Variants in MBTPS1 observed in about 807,000 individuals in gnomAD.
MBTPS1 encodes membrane-bound transcription factor site-1 protease.
A neutral mutation model predicts 127.8 loss-of-function variants in MBTPS1; 94 were observed. The ratio of observed to expected loss-of-function variants is 0.74; its 90% CI spans 0.62 to 0.87. The LOEUF (loss-of-function observed/expected upper bound fraction) is 0.87, where lower values mean the gene tolerates loss of function less well. Ranked by LOEUF, MBTPS1 falls within the 40% of genes least tolerant of loss-of-function variation. The pLI is 0.00. For synonymous variants in MBTPS1, 632 were observed against 509.4 expected, an observed-to-expected ratio of 1.24 and a Z score of -3.24; for missense variants, 1,636 against 1,353.2, an observed-to-expected ratio of 1.21 and a Z score of -3.28.
intron 1 of MBTPS1, among the ~76,000 whole-genome samples, chr16:84,105,909 A>G (rs949370152): frequency 6.6e-6 from 1 of 152,194 alleles, no homozygotes; most frequent in Non-Finnish European, 1.5e-5. Context: ...CTCTGACCTC[A>G]CGGAGCTTAC....
chr16:84,092,475 T>C (rs1284272968), intron 6 of MBTPS1, among the ~76,000 whole-genome samples: 1 of 152,192 alleles, frequency 6.6e-6, no homozygotes, highest in African/African-American at 2.4e-5. Context: ...CAGGTACTTA[T>C]ATTTTCTCAT....
chr16:84,087,555 C>T (rs1403345008), intron 8 of MBTPS1, 95 bp from the exon 9 acceptor site: 1 of 777,196 alleles, frequency 1.3e-6, no homozygotes, highest in African/African-American at 1.8e-5. Flanking sequence ...GCGAATACTC[C>T]CAGAACAATC....
chr16:84,093,928 G>T, intron 4 of MBTPS1, 107 bp from the exon 5 acceptor site: 1 of 826,046 alleles, frequency 1.2e-6, no homozygotes, highest in Non-Finnish European at 2.0e-6. Flanking sequence ...ATGACATATT[G>T]TGGAAGGCCA....
chr16:84,113,325 T>C (rs1281857112), intron 1 of MBTPS1, among the ~76,000 whole-genome samples: 5 of 152,240 alleles, frequency 3.3e-5, no homozygotes, highest in Non-Finnish European at 7.3e-5. Flanking sequence ...TATCTTTCCA[T>C]ATAAAGGCAT....
intron 7 of MBTPS1, 36 bp downstream of exon 7, chr16:84,091,696 T>C: frequency 7.0e-7 from 1 of 1,424,316 alleles, no homozygotes. Flanking sequence ...GAGCAGGAGC[T>C]GTCACCCAAA....
intron 1 of MBTPS1, among the ~76,000 whole-genome samples, chr16:84,109,771 A>G (rs1360368240): frequency 2.6e-5 from 4 of 152,222 alleles, no homozygotes. Flanking sequence ...ATCTGCTGTA[A>G]CAGGCACTCA....
At chr16:84,084,548 G>A (rs550415515) in intron 10 of MBTPS1, among the ~76,000 whole-genome samples, 2 of 152,146 alleles carry the variant, frequency 1.3e-5, no homozygotes, top group Admixed American at 1.3e-4. Context: ...TTACATATAC[G>A]CAGTAGGATT....
intron 12 of MBTPS1, among the ~76,000 whole-genome samples, chr16:84,073,898 T>C (rs571090113): frequency 2.8e-4 from 42 of 152,054 alleles, no homozygotes; most frequent in African/African-American, 1.0e-3. Context: ...CCCAGATACC[T>C]GGGAGGCTGA....
intron 14 of MBTPS1, 76 bp downstream of exon 14, chr16:84,069,790 A>C: frequency 1.5e-6 from 2 of 1,346,202 alleles, no homozygotes; most frequent in South Asian, 1.3e-5. Flanking sequence ...ACATCTTTCC[A>C]AGAGTTGCGG....
chr16:84,055,014 G>C (rs1172565670), intron 22 of MBTPS1, among the ~76,000 whole-genome samples: 1 of 152,202 alleles, frequency 6.6e-6, no homozygotes, highest in Admixed American at 6.5e-5. Context: ...TCTCTATCCA[G>C]GGGAGAAGGA....
At chr16:84,084,254 G>A (rs116456115) in intron 10 of MBTPS1, among the ~76,000 whole-genome samples, 11,482 of 152,196 alleles carry the variant, frequency 0.075, 515 homozygotes, top group South Asian at 0.18. Flanking sequence ...CACCGCACCC[G>A]GCCTCCTTGA....
At chr16:84,082,824 T>C (rs910528712) in intron 10 of MBTPS1, among the ~76,000 whole-genome samples, 49 of 152,188 alleles carry the variant, frequency 3.2e-4, no homozygotes, top group African/African-American at 1.2e-3. Context: ...TTCCTCCTCT[T>C]CCTGCCTATA....
chr16:84,092,621 G>A (rs747339826), intron 6 of MBTPS1, among the ~76,000 whole-genome samples: 2 of 152,116 alleles, frequency 1.3e-5, no homozygotes, highest in Non-Finnish European at 2.9e-5. Flanking sequence ...ACATTTCTGA[G>A]CTATGCATTA....
intron 6 of MBTPS1, 129 bp downstream of exon 6, chr16:84,093,059 T>C: frequency 1.4e-6 from 1 of 694,368 alleles, no homozygotes; most frequent in Non-Finnish European, 2.6e-6. Flanking sequence ...TGAGCATGCG[T>C]GCTGCAGTAT....
At chr16:84,095,419 G>A (rs547737420) in intron 4 of MBTPS1, among the ~76,000 whole-genome samples, 183 bp downstream of exon 4, 1 of 152,244 alleles carries the variant, frequency 6.6e-6, no homozygotes, top group Admixed American at 6.5e-5. Flanking sequence ...CAAAGATGAG[G>A]AGTACTTGGC....
intron 1 of MBTPS1, among the ~76,000 whole-genome samples, chr16:84,115,757 C>T (rs1382254603): frequency 2.0e-5 from 3 of 152,114 alleles, no homozygotes; most frequent in Non-Finnish European, 4.4e-5. Flanking sequence ...AACTGGGCAT[C>T]AGAGGTCTTG....
chr16:84,079,546 T>C (rs2085909329), intron 11 of MBTPS1, among the ~76,000 whole-genome samples: 2 of 152,216 alleles, frequency 1.3e-5, no homozygotes, highest in Admixed American at 1.3e-4. Context: ...ACAAATACTA[T>C]ATTCAAAAAA....
intron 11 of MBTPS1, among the ~76,000 whole-genome samples, chr16:84,080,643 C>T (rs1221258987): frequency 6.6e-6 from 1 of 152,242 alleles, no homozygotes; most frequent in African/African-American, 2.4e-5. Context: ...ACAGGAGGCA[C>T]CAGGGCAGGC....
intron 1 of MBTPS1, among the ~76,000 whole-genome samples, chr16:84,115,604 C>G (rs1034243683): frequency 2.6e-5 from 4 of 152,154 alleles, no homozygotes; most frequent in Non-Finnish European, 4.4e-5. Flanking sequence ...TGAAAACATG[C>G]TAAGTGAAAG....
Sources: allele counts gnomAD v4.1 joint callset (sites outside exome capture counted in the v4.1 genomes callset), GRCh38; gene constraint gnomAD v4.1.1; transcripts MANE v1.5; gene names NCBI Gene and HGNC (gene_info 2026-07-23, HGNC 2026-07-21).